SPIRE2: variants seen among roughly 807,000 people sequenced by gnomAD.
The protein encoded by SPIRE2 is spire type actin nucleation factor 2, also known as protein spire homolog 2.
A neutral mutation model predicts 80.7 loss-of-function variants in SPIRE2; 76 were observed. The observed-to-expected ratio is 0.94, with a 90% confidence interval of 0.78 to 1.14. The LOEUF is 1.14. Among genes scored for constraint, SPIRE2 ranks in the 50% most tolerant of loss-of-function variants. The pLI, the probability that SPIRE2 is intolerant of heterozygous loss-of-function variation, is 0.00. For missense variants in SPIRE2, 1,196 were observed against 1,015.3 expected (o/e 1.18, Z -2.42); for synonymous variants, 535 against 432.6 (o/e 1.24, Z -2.94).
chr16:89,863,124 G>A lies in SPIRE2; in HGVS notation c.1576-352G>A, dbSNP rs1180451694. The stretch of plus-strand genomic sequence containing the variant: ...AGAAAAGAGGACATCAGCTGCTCAG[G>A]GAGGGAAGGTTTGAGATGGATTCTG... On this transcript the variant is annotated intron_variant, in intron 10 of 14. Coordinates refer to ENST00000378247, the MANE Select transcript of SPIRE2 (RefSeq NM_032451.2). This position sits in a 1 kb window ranked among gnomAD's most constrained non-coding sequence, Gnocchi z 4.3. 1 of 306,944 alleles carries A rather than the reference G, an allele frequency of 3.3e-6. No individual in the cohort carries two copies. The highest frequency in any genetic ancestry group is 2.2e-5 in the African/African-American group (1 of 46,510). 19.0% of individuals were successfully genotyped at this position (306,944 alleles called of 1,614,324 possible). A position where few individuals can be genotyped will look rare whatever the true frequency, so the allele number is the denominator to read the frequency against.
intron 1 of SPIRE2, among the ~76,000 whole-genome samples, chr16:89,835,433 CAG>C (rs1187717329): frequency 2.0e-5 from 3 of 152,214 alleles, no homozygotes; most frequent in African/African-American, 7.2e-5. Flanking sequence ...CTGATGTTCA[CAG>C]AGAGTAGTTT....
In SPIRE2 at chr16:89,869,674, CATCT is replaced by C; in HGVS notation, c.1915_1918del (p.Ile639PhefsTer26). The C allele has an allele frequency of 6.2e-7, 1 of 1,612,746 alleles. No individual in the cohort carries two copies. Among genetic ancestry groups the C allele is most frequent in the Non-Finnish European group, 8.5e-7 (1 of 1,178,718 alleles). ...AAACCGCGCCAATCCAGAGAAGAGA[CATCT>C]TTCAGTGCGTTCTTCGCCTTGCTGC... is the stretch of plus-strand genomic sequence containing the variant. On this transcript the variant is annotated frameshift_variant, in exon 14 of 15. Coordinates refer to ENST00000378247, the MANE Select transcript of SPIRE2 (RefSeq NM_032451.2). LOFTEE classifies it high-confidence loss of function.
chr16:89,838,624 C>G (rs976658516), intron 1 of SPIRE2, among the ~76,000 whole-genome samples: 12 of 152,314 alleles, frequency 7.9e-5, no homozygotes, highest in African/African-American at 2.9e-4. Context: ...AGGCCCCCAC[C>G]CTGAATTCTA....
At chr16:89,845,514 C>T (rs1218367478) in intron 2 of SPIRE2, 149 bp downstream of exon 2, 1 of 778,932 alleles carries the variant, frequency 1.3e-6, no homozygotes, top group African/African-American at 1.7e-5. Context: ...GTTGCAGGGA[C>T]TGGATGAAAC....
chr16:89,870,061 G>T lies in SPIRE2; in HGVS notation c.1934G>T (p.Gly645Val). ...QRRDIFQSLQ[G>V]PQWQSVEEAF... is the part of the protein sequence containing the mutation. Reference sequence around the variant, plus strand: ...CTCCCACTTCCCAGGTCTCTGCAAGGGCCACAGTGGCAGAGCGTGGAGGAG... The same window carrying T: ...CTCCCACTTCCCAGGTCTCTGCAAGTGCCACAGTGGCAGAGCGTGGAGGAG... The change falls in exon 15 of 15, where the codon GGG becomes GTG. Residue 645 changes from glycine (G) to valine (V), a missense_variant. Gly to Val is a moderately radical substitution (Grantham distance 109). Transcript: ENST00000378247. 6.2e-7 allele frequency: 1 copy of T among 1,612,458 alleles called. No individual in the cohort carries two copies. Among genetic ancestry groups the T allele is most frequent in the Non-Finnish European group, 8.5e-7 (1 of 1,179,774 alleles).
chr16:89,843,133 T>G (rs542858819), intron 1 of SPIRE2, among the ~76,000 whole-genome samples: 48 of 152,288 alleles, frequency 3.2e-4, no homozygotes, highest in African/African-American at 1.1e-3. Flanking sequence ...GGTGGATGTT[T>G]TGCATCCCAC....
Position 89,869,548 on chromosome 16 carries a change from T to TC in SPIRE2, c.1807-17dup, listed in dbSNP as rs1450021546. Reference sequence around the variant, plus strand: ...TCTCTGGTGGTGCCTGGTTCATACCTCCTCCCTCTGTGCTGCAGATGAAGA... The same window carrying TC: ...TCTCTGGTGGTGCCTGGTTCATACCTCCCTCCCTCTGTGCTGCAGATGAAGA... On this transcript the variant is annotated intron_variant, in intron 13 of 14. Transcript: ENST00000378247. 6.5e-7 allele frequency: 1 copy of TC among 1,547,852 alleles called. No individual in the cohort carries two copies. The highest frequency in any genetic ancestry group is 8.9e-7 in the Non-Finnish European group (1 of 1,120,354).
At chr16:89,862,224 C>T (rs1028873603) in intron 10 of SPIRE2, 3 of 152,168 alleles carry the variant, frequency 2.0e-5, no homozygotes, top group Admixed American at 1.3e-4. Flanking sequence ...AGGATGGTTT[C>T]GATCTCCTGA....
chr16:89,859,282 C>G lies in SPIRE2; in HGVS notation c.1390C>G (p.Pro464Ala). 1.2e-6 allele frequency: 2 copies of G among 1,604,518 alleles called. No homozygotes were observed. The highest frequency in any genetic ancestry group is 1.7e-6 in the Non-Finnish European group (2 of 1,178,524). Residue 464 changes from proline to alanine, a missense_variant, in exon 9 of 15, where the codon CCA becomes GCA. Coordinates refer to ENST00000378247, the MANE Select transcript of SPIRE2 (RefSeq NM_032451.2). ...ASGLQSATHP[P>A]GGTEPPRPRA... ...TGGCCTGCAGTCGGCCACCCACCCCCCAGGAGGGACGGAGCCACCACGGCC... is the reference window on the plus strand; with the variant it reads ...TGGCCTGCAGTCGGCCACCCACCCCGCAGGAGGGACGGAGCCACCACGGCC...
chr16:89,836,589 A>G (rs955017196), intron 1 of SPIRE2, among the ~76,000 whole-genome samples: 1 of 152,092 alleles, frequency 6.6e-6, no homozygotes, highest in South Asian at 2.1e-4. Context: ...TTGAGGTGAA[A>G]TTTACATACA....
chr16:89,869,332 C>T (rs1223063964), intron 13 of SPIRE2, among the ~76,000 whole-genome samples: 4 of 151,740 alleles, frequency 2.6e-5, no homozygotes, highest in Non-Finnish European at 5.9e-5. Context: ...TAAAAAGGGA[C>T]GGTTCTTGCG....
rs1349745323 is a variant in SPIRE2 at position 89,836,395 on chromosome 16, C to T, written c.244+7601C>T. On this transcript the variant is annotated intron_variant, in intron 1 of 14. Transcript: ENST00000378247. ...CGGGGGCCGAGAATCTGAGGGAGTG[C>T]CCACAACCCACCTCCAGATCCTCCT... 3 of 371,214 alleles carry T rather than the reference C, an allele frequency of 8.1e-6. No homozygotes were observed. The East Asian group carries it at 2.2e-4, about 27-fold the overall frequency. The allele number at this position is 371,214 out of a possible 1,614,324, so 23.0% of individuals were successfully genotyped here.
intron 12 of SPIRE2, among the ~76,000 whole-genome samples, chr16:89,865,523 A>G (rs1263863695): frequency 1.3e-5 from 2 of 152,226 alleles, no homozygotes; most frequent in Admixed American, 6.5e-5. Flanking sequence ...ATTAATCCAA[A>G]AAAAGGTAGG....
chr16:89,860,922 TC>T (rs1275036498), intron 10 of SPIRE2, 127 bp downstream of exon 10: 3 of 584,852 alleles, frequency 5.1e-6, no homozygotes, highest in African/African-American at 4.1e-5. Context: ...TGAGCGTCCG[TC>T]TGGGGGGGCG....
chr16:89,866,138 G>GA (rs1436788712), intron 12 of SPIRE2, among the ~76,000 whole-genome samples: 1 of 440 alleles, frequency 2.3e-3, no homozygotes, highest in African/African-American at 9.6e-3. Context: ...GACAGAGCAA[G>GA]ACCTGTCTGG....
chr16:89,863,864 G>A lies in SPIRE2; in HGVS notation c.1778+3G>A. 1 of 1,612,514 alleles carries A rather than the reference G, an allele frequency of 6.2e-7. No individual in the cohort carries two copies. On this transcript the variant is annotated splice_donor_region_variant and intron_variant, in intron 12 of 14. Transcript: ENST00000378247. The surrounding 1 kb of genome is among the most constrained non-coding windows in gnomAD (Gnocchi z 4.3). Reference sequence around the variant, plus strand: ...CCCAGCTGTCTCTTCTGCAAGAGGTGAGCCTTCCCTTTAGCTGTCAGTTCA... The same window carrying A: ...CCCAGCTGTCTCTTCTGCAAGAGGTAAGCCTTCCCTTTAGCTGTCAGTTCA...
In SPIRE2 at chr16:89,828,676, C is replaced by A; in HGVS notation, c.126C>A (p.Ala42=). 3 of 1,341,668 alleles carry A rather than the reference C, an allele frequency of 2.2e-6. No homozygotes were observed. The highest frequency in any genetic ancestry group is 3.2e-5 in the East Asian group (1 of 30,824). The allele number at this position is 1,341,668 out of a possible 1,614,324, so 83.1% of individuals were successfully genotyped here. ...CGCTCAACGAGGAGCAGGCGTGGGC[C>A]GTGTGCTTCCAGGGCTGCCGCGGGC... ...EQPLNEEQAW[A]VCFQGCRGLR... is the part of the protein sequence containing the mutation. Residue 42 remains alanine (A), a synonymous_variant, in exon 1 of 15, where the codon GCC becomes GCA. Transcript: ENST00000378247. This position sits in a 1 kb window ranked among gnomAD's most constrained non-coding sequence, Gnocchi z 5.9.
At chr16:89,858,837 G>C (rs1183439392) in intron 8 of SPIRE2, among the ~76,000 whole-genome samples, 1 of 152,224 alleles carries the variant, frequency 6.6e-6, no homozygotes, top group Non-Finnish European at 1.5e-5. Context: ...ACCCAGCGAG[G>C]CTCCCTGCCC....
chr16:89,854,739 A>C, intron 5 of SPIRE2, 88 bp downstream of exon 5: 1 of 1,324,786 alleles, frequency 7.5e-7, no homozygotes, highest in Non-Finnish European at 1.0e-6. Context: ...GATGTTGGGC[A>C]GCCCACCCCA....
Sources: gnomAD v4.1 joint callset for allele counts (sites outside exome capture counted in the v4.1 genomes callset) on GRCh38, gnomAD v4.1.1 for gene constraint, Gnocchi (gnomAD v3.1) non-coding constraint, MANE v1.5 for transcripts, NCBI Gene and HGNC (gene_info 2026-07-23, HGNC 2026-07-21) for gene names.